Variants in MSRA observed in about 807,000 individuals in gnomAD.
MSRA encodes methionine sulfoxide reductase A.
A neutral mutation model predicts 31.3 loss-of-function variants in MSRA; 54 were observed. The observed-to-expected ratio is 1.73, with a 90% confidence interval of 1.39 to 2.17. The LOEUF (loss-of-function observed/expected upper bound fraction) is 2.17, where lower values mean the gene tolerates loss of function less well. MSRA is among the 30% of genes most tolerant of loss of function. The pLI is 0.00. For missense variants in MSRA, 507 were observed against 300.9 expected, an observed-to-expected ratio of 1.69 and a Z score of -5.07; for synonymous variants, 169 against 116.5, an observed-to-expected ratio of 1.45 and a Z score of -2.90.
At chr8:10,347,879 C>G (rs540345031) in intron 5 of MSRA, among the ~76,000 whole-genome samples, 1 of 152,320 alleles carries the variant, frequency 6.6e-6, no homozygotes, top group East Asian at 1.9e-4. Flanking sequence ...ACTGAACATT[C>G]CCTTGTCTCC....
chr8:10,156,059 G>A (rs1055691691), intron 1 of MSRA, among the ~76,000 whole-genome samples: 1 of 152,110 alleles, frequency 6.6e-6, no homozygotes, highest in Admixed American at 6.5e-5. Context: ...GCGGTAGGAG[G>A]ATACCTGAAG....
chr8:10,139,914 T>C (rs902415715), intron 1 of MSRA, among the ~76,000 whole-genome samples: 1 of 152,206 alleles, frequency 6.6e-6, no homozygotes, highest in Non-Finnish European at 1.5e-5. Flanking sequence ...TTTATTTGTG[T>C]AGGGGAGAGA....
intron 4 of MSRA, among the ~76,000 whole-genome samples, chr8:10,315,281 G>A (rs1297644372): frequency 2.6e-5 from 4 of 152,138 alleles, no homozygotes; most frequent in African/African-American, 7.2e-5. Context: ...ACTAAACTAG[G>A]TTTATTCTGA....
At chr8:10,111,830 A>C (rs888022378) in intron 1 of MSRA, among the ~76,000 whole-genome samples, 1 of 152,142 alleles carries the variant, frequency 6.6e-6, no homozygotes, top group African/African-American at 2.4e-5. Context: ...ACGCTGTCTC[A>C]TGTAGGTCTC....
intron 5 of MSRA, among the ~76,000 whole-genome samples, chr8:10,330,043 T>A (rs1017757326): frequency 2.9e-5 from 4 of 136,082 alleles, no homozygotes; most frequent in Admixed American, 2.2e-4. Flanking sequence ...TGTGTGTGTG[T>A]GATCAAAAAG....
At chr8:10,153,106 C>T (rs919376371) in intron 1 of MSRA, among the ~76,000 whole-genome samples, 2 of 152,142 alleles carry the variant, frequency 1.3e-5, no homozygotes, top group African/African-American at 2.4e-5. Flanking sequence ...AATGTACTTA[C>T]CACTACTGAG....
chr8:10,062,385 T>C (rs898529366), intron 1 of MSRA, among the ~76,000 whole-genome samples: 1 of 152,210 alleles, frequency 6.6e-6, no homozygotes, highest in African/African-American at 2.4e-5. Flanking sequence ...GCTGCTCTTA[T>C]CTTCCTCACA....
At chr8:10,180,505 C>T (rs1452345949) in intron 1 of MSRA, among the ~76,000 whole-genome samples, 1 of 152,152 alleles carries the variant, frequency 6.6e-6, no homozygotes, top group African/African-American at 2.4e-5. Context: ...CTGAAACTTC[C>T]AATCCTCTAA....
At position 10,136,903 on chromosome 8, in the gene MSRA, C is replaced by G. The variant is rs947103456; in HGVS notation, c.143-70930C>G. 4.4e-4 allele frequency among the ~76,000 whole-genome samples: 67 copies of G among 152,220 alleles called. 1 individual carries two copies. Among genetic ancestry groups the G allele is most frequent in the African/African-American group, 1.5e-3 (64 of 41,454 alleles). ...ATCCCTGTACTCAGTGTCCACCCTG[C>G]TGTCTGTCCAGCATGGACGGCAAAT... On this transcript the variant is annotated intron_variant, in intron 1 of 5. Coordinates refer to ENST00000317173, the MANE Select transcript of MSRA (RefSeq NM_012331.5).
intron 5 of MSRA, among the ~76,000 whole-genome samples, chr8:10,377,498 G>A (rs992830865): frequency 1.3e-5 from 2 of 152,232 alleles, no homozygotes; most frequent in African/African-American, 4.8e-5. Context: ...GGGTGGATGG[G>A]TGGATGGGAG....
intron 1 of MSRA, among the ~76,000 whole-genome samples, chr8:10,136,374 T>C (rs1221419579): frequency 1.3e-5 from 2 of 152,218 alleles, no homozygotes; most frequent in East Asian, 3.9e-4. Flanking sequence ...TCGTTCATGT[T>C]ACACAGCTTT....
At chr8:10,220,574 T>C (rs747797873) in intron 2 of MSRA, among the ~76,000 whole-genome samples, 3 of 152,232 alleles carry the variant, frequency 2.0e-5, no homozygotes, top group African/African-American at 7.2e-5. Context: ...TGTTGTCTCC[T>C]AAAAAGTCCT....
intron 1 of MSRA, among the ~76,000 whole-genome samples, chr8:10,145,997 C>G (rs1803107766): frequency 6.6e-6 from 1 of 152,170 alleles, no homozygotes. Context: ...AATTTGTAAA[C>G]AGACCGTATA....
chr8:10,309,690 C>T (rs937392283), intron 4 of MSRA, among the ~76,000 whole-genome samples: 2 of 152,322 alleles, frequency 1.3e-5, no homozygotes, highest in African/African-American at 2.4e-5. Context: ...CTGGCCTTAC[C>T]GTGAGCTGGG....
chr8:10,375,855 A>G (rs879640148), intron 5 of MSRA, among the ~76,000 whole-genome samples: 6 of 152,186 alleles, frequency 3.9e-5, no homozygotes, highest in African/African-American at 2.4e-5. Context: ...GAAGGAGAGA[A>G]TTCCCCCGAC....
At chr8:10,414,181 A>AT (rs1465634143) in intron 5 of MSRA, among the ~76,000 whole-genome samples, 1 of 152,214 alleles carries the variant, frequency 6.6e-6, no homozygotes, top group Admixed American at 6.5e-5. Context: ...GAAAAAAAAA[A>AT]CGAATTTTAT....
chr8:10,336,897 C>T (rs1407744888), intron 5 of MSRA: 1 of 152,188 alleles, frequency 6.6e-6, no homozygotes, highest in Non-Finnish European at 1.5e-5. Context: ...AACATTTTTA[C>T]AAAGACAGGC....
chr8:10,195,782 G>A (rs986651831), intron 1 of MSRA, among the ~76,000 whole-genome samples: 4 of 152,244 alleles, frequency 2.6e-5, no homozygotes, highest in Non-Finnish European at 4.4e-5. Context: ...CAAGTTTGCT[G>A]TAAAGTTTAT....
chr8:10,145,050 G>A (rs539673423), intron 1 of MSRA, among the ~76,000 whole-genome samples: 1 of 152,226 alleles, frequency 6.6e-6, no homozygotes, highest in East Asian at 1.9e-4. Flanking sequence ...TCAGGCTTAT[G>A]TCAAGGATGA....
Sources: allele counts gnomAD v4.1 joint callset (sites outside exome capture counted in the v4.1 genomes callset), GRCh38; gene constraint gnomAD v4.1.1; transcripts MANE v1.5; gene names NCBI Gene and HGNC (gene_info 2026-07-23, HGNC 2026-07-21).